The following MLLT10 variants were observed in gnomAD, a reference collection of about 807,000 sequenced individuals.
MLLT10 encodes protein AF-10.
A neutral mutation model predicts 129.1 loss-of-function variants in MLLT10; 30 were observed. The ratio of observed to expected loss-of-function variants is 0.23; its 90% confidence interval spans 0.17 to 0.32. MLLT10 has a LOEUF of 0.32. Among genes scored for constraint, MLLT10 ranks in the 10% least tolerant of loss-of-function variants. The pLI is 1.00. For synonymous variants in MLLT10, 490 were observed against 446.4 expected, an observed-to-expected ratio of 1.10 and a Z score of -1.23; for missense variants, 1,119 against 1,268.3, an observed-to-expected ratio of 0.88 and a Z score of 1.79.
intron 8 of MLLT10, chr10:21,625,396 C>A (rs1439533778): frequency 1.4e-5 from 11 of 804,164 alleles, no homozygotes; most frequent in Non-Finnish European, 2.4e-5. Flanking sequence ...ATGACTTTTC[C>A]AATATTTCGT....
intron 14 of MLLT10, 101 bp downstream of exon 14, chr10:21,714,051 G>C (rs2056341497): frequency 1.1e-6 from 1 of 937,364 alleles, no homozygotes; most frequent in African/African-American, 1.7e-5. Flanking sequence ...CCTTCTATAG[G>C]AATTTATGAA....
rs116387054 is a variant in MLLT10 at position 21,667,249 on chromosome 10, A to G, written c.796-3200A>G. Among the ~76,000 whole-genome samples, 64 of 152,186 alleles carry G rather than the reference A, an allele frequency of 4.2e-4. 1 individual carries two copies. The highest frequency in any genetic ancestry group is 1.5e-3 in the African/African-American group (61 of 41,584). The stretch of plus-strand genomic sequence containing the variant: ...AAAAAAGAAAAGCCTGGTTTCTTGT[A>G]ACATTTCCTCTTTATCATTGGTTTT... On this transcript the variant is annotated intron_variant, in intron 9 of 22. Transcript: ENST00000307729.
At chr10:21,617,068 T>C in intron 7 of MLLT10, 44 bp from the exon 8 acceptor site, 1 of 920,862 alleles carries the variant, frequency 1.1e-6, no homozygotes, top group Non-Finnish European at 1.5e-6. Flanking sequence ...GTTTAAAAAG[T>C]TTTATATACA....
intron 13 of MLLT10, among the ~76,000 whole-genome samples, chr10:21,692,034 G>T (rs907959208): frequency 6.6e-6 from 1 of 150,582 alleles, no homozygotes; most frequent in South Asian, 2.1e-4. Context: ...AGAGCCAGGT[G>T]GGGTGGTGGC....
intron 8 of MLLT10, among the ~76,000 whole-genome samples, chr10:21,622,891 C>G (rs1758924529): frequency 6.6e-6 from 1 of 152,176 alleles, no homozygotes; most frequent in Non-Finnish European, 1.5e-5. Flanking sequence ...GTACTTTTCA[C>G]CAACTGGTTA....
At chr10:21,592,216 A>G (rs886232701) in intron 4 of MLLT10, among the ~76,000 whole-genome samples, 1 of 152,210 alleles carries the variant, frequency 6.6e-6, no homozygotes, top group African/African-American at 2.4e-5. Flanking sequence ...TATGTTCGTT[A>G]CATATTAAAT....
intron 11 of MLLT10, among the ~76,000 whole-genome samples, chr10:21,676,719 T>TA (rs2052178292): frequency 1.2e-4 from 1 of 8,146 alleles, no homozygotes; most frequent in Non-Finnish European, 3.0e-4. Context: ...AGACTCCATC[T>TA]CAAAAAAAAA....
chr10:21,668,162 A>G (rs1037282849), intron 9 of MLLT10, among the ~76,000 whole-genome samples: 1 of 152,148 alleles, frequency 6.6e-6, no homozygotes, highest in African/African-American at 2.4e-5. Context: ...AAGTATTATT[A>G]TATACAAGAA....
intron 17 of MLLT10, 42 bp downstream of exon 17, chr10:21,731,096 C>G (rs1469388142): frequency 6.4e-7 from 1 of 1,550,894 alleles, no homozygotes; most frequent in South Asian, 1.2e-5. Context: ...GACAGATGGG[C>G]AGATGGACAA....
chr10:21,619,005 C>T (rs1002848377), intron 8 of MLLT10, among the ~76,000 whole-genome samples: 38 of 149,490 alleles, frequency 2.5e-4, no homozygotes, highest in African/African-American at 8.7e-4. Context: ...TGATTACAGG[C>T]GTGAGCCACC....
At chr10:21,603,692 A>G (rs1429464061) in intron 5 of MLLT10, among the ~76,000 whole-genome samples, 2 of 152,148 alleles carry the variant, frequency 1.3e-5, no homozygotes, top group Admixed American at 6.5e-5. Flanking sequence ...ATTTCTTCTT[A>G]CAATTAAAGA....
chr10:21,597,013 T>C (rs1463767087), intron 5 of MLLT10, among the ~76,000 whole-genome samples: 1 of 152,082 alleles, frequency 6.6e-6, no homozygotes, highest in Non-Finnish European at 1.5e-5. Context: ...TTTATATTAA[T>C]GCACTTTTTT....
chr10:21,654,791 A>G (rs1169971924), intron 9 of MLLT10, among the ~76,000 whole-genome samples: 2 of 152,178 alleles, frequency 1.3e-5, no homozygotes, highest in African/African-American at 2.4e-5. Flanking sequence ...ATAATGATGG[A>G]TCATTATATT....
At chr10:21,679,127 T>C (rs1301490352) in intron 11 of MLLT10, among the ~76,000 whole-genome samples, 1 of 152,188 alleles carries the variant, frequency 6.6e-6, no homozygotes, top group Non-Finnish European at 1.5e-5. Context: ...AAATTTGTAT[T>C]ATGGATTGAA....
intron 13 of MLLT10, among the ~76,000 whole-genome samples, chr10:21,695,576 A>C (rs1006531759): frequency 1.3e-4 from 20 of 152,086 alleles, no homozygotes; most frequent in African/African-American, 4.3e-4. Flanking sequence ...TAAAATATTT[A>C]TCTTATAATA....
At chr10:21,718,182 T>C (rs971560458) in intron 14 of MLLT10, among the ~76,000 whole-genome samples, 5 of 152,104 alleles carry the variant, frequency 3.3e-5, no homozygotes, top group African/African-American at 7.2e-5. Context: ...CCTTTTTTTT[T>C]TCCCCCTTTC....
chr10:21,682,421 A>G lies in MLLT10; in HGVS notation c.1699+164A>G, dbSNP rs540708322. On this transcript the variant is annotated intron_variant, in intron 13 of 22. Coordinates refer to ENST00000307729, the MANE Select transcript of MLLT10 (RefSeq NM_001195626.3). The stretch of plus-strand genomic sequence containing the variant: ...AGTGAAAAATTTTTGTAGATTGCCA[A>G]TAAGAGGCTGATAGGTCAATATGGT... Among the ~76,000 whole-genome samples the G allele has an allele frequency of 3.3e-5, 5 of 152,340 alleles. No homozygotes were observed. The South Asian group carries it at 1.0e-3, about 32-fold the overall frequency.
Position 21,534,743 on chromosome 10 carries a change from C to T in MLLT10, c.99C>T (p.Gly33=), listed in dbSNP as rs199515071. Residue 33 remains glycine, a synonymous_variant, in exon 2 of 23, where the codon GGC becomes GGT. Coordinates refer to ENST00000307729, the MANE Select transcript of MLLT10 (RefSeq NM_001195626.3). ...GGCCVCSDER[G]WAENPLVYCD... ...GTTGCGTTTGCTCAGACGAGAGAGG[C>T]TGGGCCGAGAACCCGCTGGTTTATT... 2.4e-4 allele frequency: 395 copies of T among 1,613,122 alleles called. 1 individual carries two copies. Among genetic ancestry groups the T allele is most frequent in the Admixed American group, 1.7e-4 (10 of 59,926 alleles).
At chr10:21,610,066 G>T (rs541992817) in intron 5 of MLLT10, among the ~76,000 whole-genome samples, 20 of 152,164 alleles carry the variant, frequency 1.3e-4, no homozygotes, top group Non-Finnish European at 2.6e-4. Context: ...AACTGGGGAT[G>T]GGACGAGTAG....
Sources: gnomAD v4.1 joint callset for allele counts (sites outside exome capture counted in the v4.1 genomes callset) on GRCh38, gnomAD v4.1.1 for gene constraint, MANE v1.5 for transcripts, NCBI Gene and HGNC (gene_info 2026-07-23, HGNC 2026-07-21) for gene names.